GLIS3: variants seen among roughly 807,000 people sequenced by gnomAD.
GLIS3 encodes GLIS family zinc finger 3.
In GLIS3, 53 loss-of-function variants were observed where a neutral mutation model predicts 78.6. The observed-to-expected ratio is 0.67, with a 90% CI of 0.54 to 0.85. The LOEUF is 0.85. Among genes scored for constraint, GLIS3 ranks in the 40% least tolerant of loss-of-function variants. The pLI, the probability that GLIS3 is intolerant of heterozygous loss-of-function variation, is 0.00. For synonymous variants in GLIS3, 684 were observed against 509.9 expected, an observed-to-expected ratio of 1.34 and a Z score of -4.60; for missense variants, 1,703 against 1,231.1, an observed-to-expected ratio of 1.38 and a Z score of -5.74.
At chr9:3,966,377 A>C (rs1259949650) in intron 4 of GLIS3, among the ~76,000 whole-genome samples, 1 of 152,144 alleles carries the variant, frequency 6.6e-6, no homozygotes, top group Non-Finnish European at 1.5e-5. Context: ...AAGAATTATG[A>C]CACTGTAATA....
intron 4 of GLIS3, among the ~76,000 whole-genome samples, chr9:3,956,676 C>G (rs981015556): frequency 3.9e-5 from 6 of 152,054 alleles, no homozygotes; most frequent in Non-Finnish European, 8.8e-5. Flanking sequence ...TCTCACAGAC[C>G]AGTTGTATTT....
chr9:4,028,776 G>T (rs1013075968), intron 4 of GLIS3, among the ~76,000 whole-genome samples: 1 of 152,148 alleles, frequency 6.6e-6, no homozygotes, highest in Middle Eastern at 3.2e-3. Context: ...ATTTTATATG[G>T]ATTTGTAGCT....
chr9:4,441,094 G>A, the GLIS3 span, among the ~76,000 whole-genome samples: 1 of 152,070 alleles, frequency 6.6e-6, no homozygotes, highest in Non-Finnish European at 1.5e-5. Context: ...CATGTTATCT[G>A]CCAACACGGA....
Position 4,082,138 on chromosome 9 carries a change from T to G in GLIS3, c.1710+35630A>C, listed in dbSNP as rs897790945. 1.4e-4 allele frequency among the ~76,000 whole-genome samples: 22 copies of G among 152,178 alleles called. 1 individual carries two copies. The highest frequency in any genetic ancestry group is 1.4e-3 in the Admixed American group (21 of 15,274). ...TGTTTGTGCTCTGTGCATATCACAGTTGACATCTTGTCAAAACCAAGGGAA... is the reference window on the plus strand; with the variant it reads ...TGTTTGTGCTCTGTGCATATCACAGGTGACATCTTGTCAAAACCAAGGGAA... On this transcript the variant is annotated intron_variant, in intron 4 of 10. Transcript: ENST00000381971.
intron 4 of GLIS3, among the ~76,000 whole-genome samples, chr9:4,022,469 T>C (rs988266843): frequency 2.0e-5 from 3 of 152,180 alleles, no homozygotes; most frequent in African/African-American, 7.2e-5. Flanking sequence ...AAAATGCAAA[T>C]ATGTATGCAC....
At chr9:4,149,822 T>A (rs1834525583) in intron 2 of GLIS3, among the ~76,000 whole-genome samples, 1 of 152,132 alleles carries the variant, frequency 6.6e-6, no homozygotes, top group African/African-American at 2.4e-5. Flanking sequence ...TAAGGTAGGA[T>A]AAAAAAGCTA....
chr9:4,273,152 A>T (rs1826671546), intron 2 of GLIS3, among the ~76,000 whole-genome samples: 1 of 152,176 alleles, frequency 6.6e-6, no homozygotes, highest in African/African-American at 2.4e-5. Flanking sequence ...TTTATTTCAA[A>T]AGACAAGTCT....
At chr9:4,145,809 G>A (rs545447314) in intron 2 of GLIS3, among the ~76,000 whole-genome samples, 5 of 150,478 alleles carry the variant, frequency 3.3e-5, no homozygotes, top group African/African-American at 9.8e-5. Context: ...AGCCAGTTCT[G>A]ACTCCCAGAG....
chr9:4,321,421 C>CAAAAAAAAAAAAAAAAAAAAAAAA lies in GLIS3; in HGVS notation n.265-10917_265-10894dup, dbSNP rs35583742. Among the ~76,000 whole-genome samples, 3 of 16,304 alleles carry CAAAAAAAAAAAAAAAAAAAAAAAA rather than the reference C, an allele frequency of 1.8e-4. 1 individual carries two copies. Among genetic ancestry groups the CAAAAAAAAAAAAAAAAAAAAAAAA allele is most frequent in the Non-Finnish European group, 3.3e-4 (3 of 9,156 alleles). 10.7% of individuals were successfully genotyped at this position (16,304 alleles called of 152,430 possible). A position where few individuals can be genotyped will look rare whatever the true frequency, so the allele number is the denominator to read the frequency against. ...TGGGCCACAGAGCTAGACTCCGTCT[C>CAAAAAAAAAAAAAAAAAAAAAAAA]AAAAAAAAAAAAAAAAAAAAAAAAA... On this transcript the variant is annotated intron_variant and non_coding_transcript_variant, in intron 2 of 4. Transcript: ENST00000471664.
intron 2 of GLIS3, among the ~76,000 whole-genome samples, chr9:4,283,312 C>A (rs1280532894): frequency 6.7e-6 from 1 of 148,898 alleles, no homozygotes; most frequent in Non-Finnish European, 1.5e-5. Flanking sequence ...CTTGCCCCGG[C>A]TGGAGTGCAA....
intron 2 of GLIS3, among the ~76,000 whole-genome samples, chr9:4,192,808 T>TAA (rs60636471): frequency 8.6e-4 from 122 of 142,490 alleles, no homozygotes; most frequent in Middle Eastern, 3.5e-3. Flanking sequence ...ATACAATATT[T>TAA]AAAAAAAAAA....
chr9:4,303,887 C>G (rs2130499148), upstream of GLIS3, among the ~76,000 whole-genome samples: 1 of 152,332 alleles, frequency 6.6e-6, no homozygotes, highest in South Asian at 2.1e-4. Context: ...GCCAGTTATT[C>G]TTTCACCATT....
chr9:4,202,025 G>C (rs1047214054), intron 2 of GLIS3, among the ~76,000 whole-genome samples: 1 of 152,064 alleles, frequency 6.6e-6, no homozygotes, highest in African/African-American at 2.4e-5. Flanking sequence ...TGTAATCCCA[G>C]CTATAGGGAA....
chr9:4,444,735 C>G, the GLIS3 span, among the ~76,000 whole-genome samples: 8 of 152,224 alleles, frequency 5.3e-5, no homozygotes. Context: ...ATTTGCATGC[C>G]TTACACACAT....
chr9:4,311,938 C>T (rs1373935892), intron 2 of GLIS3, among the ~76,000 whole-genome samples: 3 of 136,074 alleles, frequency 2.2e-5, no homozygotes, highest in African/African-American at 2.5e-5. Flanking sequence ...ATGATGAGGA[C>T]ACGTGGACAC....
At chr9:4,268,435 T>G (rs1826209688) in intron 2 of GLIS3, among the ~76,000 whole-genome samples, 1 of 152,222 alleles carries the variant, frequency 6.6e-6, no homozygotes, top group African/African-American at 2.4e-5. Flanking sequence ...GGTCATGGTC[T>G]TGCTTTGCAT....
intron 7 of GLIS3, among the ~76,000 whole-genome samples, chr9:3,887,192 A>C (rs1216451699): frequency 1.3e-5 from 2 of 152,192 alleles, no homozygotes; most frequent in African/African-American, 4.8e-5. Flanking sequence ...AGGATAATGA[A>C]ACAATCCCTT....
chr9:4,289,703 C>T (rs1828288214), intron 1 of GLIS3, among the ~76,000 whole-genome samples: 2 of 152,100 alleles, frequency 1.3e-5, no homozygotes, highest in South Asian at 4.1e-4. Flanking sequence ...AAGGAACATC[C>T]AGAGGTATAA....
rs1359022866 is a variant in GLIS3 at position 4,239,235 on chromosome 9, T to C, written c.388+46803A>G. Among the ~76,000 whole-genome samples the C allele has an allele frequency of 4.0e-5, 6 of 149,356 alleles. No individual in the cohort carries two copies. The East Asian group carries it at 6.0e-4, about 15-fold the overall frequency. ...TAATGCTAAATGACGAGTTAATGGGTGCAGCACACCAACATGGCACATGTA... is the reference window on the plus strand; with the variant it reads ...TAATGCTAAATGACGAGTTAATGGGCGCAGCACACCAACATGGCACATGTA... On this transcript the variant is annotated intron_variant, in intron 2 of 10. Coordinates refer to ENST00000381971, the MANE Select transcript of GLIS3 (RefSeq NM_001042413.2).
Sources: gnomAD v4.1 joint callset for allele counts (sites outside exome capture counted in the v4.1 genomes callset) on GRCh38, gnomAD v4.1.1 for gene constraint, MANE v1.5 for transcripts, NCBI Gene and HGNC (gene_info 2026-07-23, HGNC 2026-07-21) for gene names.